Variants in COL10A1 observed in about 807,000 individuals in gnomAD.
COL10A1 encodes collagen type X alpha 1 chain.
In COL10A1, 10 loss-of-function variants were observed where a neutral mutation model predicts 18.2. The observed-to-expected ratio is 0.55, with a 90% confidence interval of 0.34 to 0.93. The LOEUF is 0.93. COL10A1 is among the 40% of genes least tolerant of loss of function. The probability of loss-of-function intolerance (pLI) is 0.02; values close to 1 mark genes in which losing one functional copy is unlikely to be tolerated. For synonymous variants in COL10A1, 330 were observed against 316.6 expected, an observed-to-expected ratio of 1.04 and a Z score of -0.45; for missense variants, 897 against 853.5, an observed-to-expected ratio of 1.05 and a Z score of -0.64.
At chr6:116,152,514 G>C (rs1780070320) in intron 1 of COL10A1, among the ~76,000 whole-genome samples, 3 of 152,112 alleles carry the variant, frequency 2.0e-5, no homozygotes, top group Admixed American at 2.0e-4. Context: ...AGGCACGATG[G>C]GGTCTCCAGG....
chr6:116,125,599 T>TA, intron 1 of COL10A1, 92 bp from the exon 2 acceptor site: 2 of 1,152,404 alleles, frequency 1.7e-6, no homozygotes, highest in Non-Finnish European at 1.3e-6. Context: ...TATACAGTTA[T>TA]CTACTTTTTT....
At chr6:116,215,635 A>G in the COL10A1 span, among the ~76,000 whole-genome samples, 1 of 152,118 alleles carries the variant, frequency 6.6e-6, no homozygotes, top group East Asian at 1.9e-4. Flanking sequence ...CTCTCTCCAC[A>G]TTTACGTTGT....
At chr6:116,202,034 G>T in the COL10A1 span, among the ~76,000 whole-genome samples, 1 of 151,994 alleles carries the variant, frequency 6.6e-6, no homozygotes, top group Non-Finnish European at 1.5e-5. Flanking sequence ...AGGCTGTCCA[G>T]TGTGGTAGCC....
chr6:116,168,908 A>G, the COL10A1 span, among the ~76,000 whole-genome samples: 2 of 152,182 alleles, frequency 1.3e-5, no homozygotes, highest in African/African-American at 4.8e-5. Context: ...GCTTCAGGCC[A>G]TTGAGAGCTG....
the COL10A1 span, among the ~76,000 whole-genome samples, chr6:116,213,058 T>G: frequency 2.6e-5 from 4 of 152,142 alleles, no homozygotes; most frequent in East Asian, 7.7e-4. Flanking sequence ...AGATAATAAT[T>G]AAAATTGGGA....
intron 1 of COL10A1, among the ~76,000 whole-genome samples, chr6:116,152,202 A>T (rs1385238970): frequency 6.6e-6 from 1 of 152,314 alleles, no homozygotes; most frequent in East Asian, 1.9e-4. Context: ...AAGATTTAGA[A>T]TTTGAAATGA....
In COL10A1 at chr6:116,121,365, GA is replaced by G; in HGVS notation, c.750del (p.Gln252LysfsTer38). On this transcript the variant is annotated frameshift_variant, in exon 3 of 3. Transcript: ENST00000651968. LOFTEE classifies it low-confidence loss of function (END_TRUNC). ...PGEMGPIGPP[G>X]PQGPPGERGP... ...CCTCGTTCCCCAGGAGGGCCTTGGGGACCTGGTGGGCCAATTGGTCCCATTT... is the reference window on the plus strand; with the variant it reads ...CCTCGTTCCCCAGGAGGGCCTTGGGGCCTGGTGGGCCAATTGGTCCCATTT... 1.2e-6 allele frequency: 2 copies of G among 1,614,054 alleles called. No homozygotes were observed. Among genetic ancestry groups the G allele is most frequent in the Middle Eastern group, 1.6e-4 (1 of 6,062 alleles).
upstream of COL10A1, among the ~76,000 whole-genome samples, chr6:116,163,611 A>G (rs1780397096): frequency 6.6e-6 from 1 of 151,842 alleles, no homozygotes; most frequent in African/African-American, 2.4e-5. Flanking sequence ...TTTTAGTCTC[A>G]ATTGTATTTA....
chr6:116,144,076 A>G (rs910612851), intron 1 of COL10A1, among the ~76,000 whole-genome samples: 2 of 152,184 alleles, frequency 1.3e-5, no homozygotes, highest in Non-Finnish European at 2.9e-5. Flanking sequence ...TATAATGAGG[A>G]TATTCAGAGT....
intron 2 of COL10A1, among the ~76,000 whole-genome samples, chr6:116,122,263 G>T (rs935286234): frequency 2.0e-5 from 3 of 152,156 alleles, no homozygotes; most frequent in Admixed American, 6.5e-5. Context: ...GGTAAATTTA[G>T]TACATTTATT....
chr6:116,199,681 C>A, the COL10A1 span, among the ~76,000 whole-genome samples: 1 of 151,832 alleles, frequency 6.6e-6, no homozygotes, highest in African/African-American at 2.4e-5. Context: ...TTAAAAATTA[C>A]AATGATGGAG....
the COL10A1 span, among the ~76,000 whole-genome samples, chr6:116,180,027 T>C: frequency 2.6e-5 from 4 of 152,156 alleles, no homozygotes; most frequent in Admixed American, 2.6e-4. Flanking sequence ...ATCTTGTTTT[T>C]TATTGCAAAA....
chr6:116,174,258 T>C, the COL10A1 span, among the ~76,000 whole-genome samples: 2 of 152,124 alleles, frequency 1.3e-5, no homozygotes, highest in Non-Finnish European at 2.9e-5. Context: ...AGTCACTAAG[T>C]CCAGCCCACT....
chr6:116,158,807 G>T (rs1010805848), upstream of COL10A1: 1 of 152,130 alleles, frequency 6.6e-6, no homozygotes, highest in Non-Finnish European at 1.5e-5. Flanking sequence ...TTTATACAAA[G>T]CTCTGCTGAA....
upstream of COL10A1, among the ~76,000 whole-genome samples, chr6:116,160,372 G>A (rs760624837): frequency 1.3e-5 from 2 of 152,098 alleles, no homozygotes; most frequent in African/African-American, 2.4e-5. Flanking sequence ...GATTAGTGAT[G>A]TTGAGCATTT....
chr6:116,120,758 G>C lies in COL10A1; in HGVS notation c.1358C>G (p.Pro453Arg). ...GAPGIPGTRGPIGPPGIPGFP... is the reference protein window; with the variant it reads ...GAPGIPGTRGRIGPPGIPGFP... ...TCCTGGAATGCCTGGTGGCCCAATA[G>C]GGCCTCTAGTACCTGGTATTCCAGG... Residue 453 changes from proline (P) to arginine (R), a missense_variant, in exon 3 of 3, where the codon CCT becomes CGT. Coordinates refer to ENST00000651968, the MANE Select transcript of COL10A1 (RefSeq NM_000493.4). 1 of 1,608,476 alleles carries C rather than the reference G, an allele frequency of 6.2e-7. No homozygotes were observed. Among genetic ancestry groups the C allele is most frequent in the Non-Finnish European group, 8.5e-7 (1 of 1,177,886 alleles).
chr6:116,120,561 C>CT lies in COL10A1; in HGVS notation c.1554dup (p.Ala519SerfsTer5). 1 of 1,609,760 alleles carries CT rather than the reference C, an allele frequency of 6.2e-7. No individual in the cohort carries two copies. The highest frequency in any genetic ancestry group is 1.3e-5 in the African/African-American group (1 of 74,784). ...TTTATAAAACCCTCAGGCATGACTG[C>CT]TTGACCTGGTGGGCCTGGAGGCCCA... On this transcript the variant is annotated frameshift_variant, in exon 3 of 3. Transcript: ENST00000651968. LOFTEE classifies it low-confidence loss of function (END_TRUNC).
the COL10A1 span, among the ~76,000 whole-genome samples, chr6:116,183,085 T>C: frequency 3.3e-5 from 5 of 152,198 alleles, no homozygotes; most frequent in African/African-American, 4.8e-5. Context: ...TTCGTTCTTC[T>C]ACATGTGGCT....
Position 116,118,938 on chromosome 6 carries a change from C to CT in COL10A1, c.*1134dup, listed in dbSNP as rs1466080338. 6.6e-6 allele frequency: 1 copy of CT among 152,216 alleles called. No individual in the cohort carries two copies. Among genetic ancestry groups the CT allele is most frequent in the Non-Finnish European group, 1.5e-5 (1 of 68,034 alleles). The allele number at this position is 152,216 out of a possible 1,614,324, so 9.4% of individuals were successfully genotyped here. A position where few individuals can be genotyped will look rare whatever the true frequency, so the allele number is the denominator to read the frequency against. On this transcript the variant is annotated 3_prime_UTR_variant, in exon 3 of 3. Transcript: ENST00000651968. ...AGCCACCCATCACTTTATTGTCCTA[C>CT]TTTTTTATTAACTTTGAACAATGAA...
Sources: gnomAD v4.1 joint callset for allele counts (sites outside exome capture counted in the v4.1 genomes callset) on GRCh38, gnomAD v4.1.1 for gene constraint, MANE v1.5 for transcripts, NCBI Gene and HGNC (gene_info 2026-07-23, HGNC 2026-07-21) for gene names.